Variants in NAT1 observed in about 807,000 individuals in gnomAD.
NAT1 encodes the protein N-acetyltransferase 1, also known as arylamine N-acetyltransferase 1.
For synonymous variants in NAT1, 144 were observed against 122.6 expected, an observed-to-expected ratio of 1.17 and a Z score of -1.16; for missense variants, 400 against 339.2, an observed-to-expected ratio of 1.18 and a Z score of -1.41.
chr8:18,182,632 A>T (rs909142643), intron 2 of NAT1, among the ~76,000 whole-genome samples: 2 of 152,142 alleles, frequency 1.3e-5, no homozygotes, highest in African/African-American at 2.4e-5. Context: ...CCTATTTTTC[A>T]ATCTTGATTT....
intron 1 of NAT1, among the ~76,000 whole-genome samples, chr8:18,217,755 T>C (rs1268215583): frequency 1.3e-5 from 2 of 152,128 alleles, no homozygotes; most frequent in Non-Finnish European, 1.5e-5. Flanking sequence ...GGTATTACAA[T>C]ATTGTTTATT....
chr8:18,201,684 AG>A (rs1181905504), intron 2 of NAT1, among the ~76,000 whole-genome samples: 1 of 152,236 alleles, frequency 6.6e-6, no homozygotes, highest in Non-Finnish European at 1.5e-5. Flanking sequence ...CAGCAGCCTC[AG>A]GGGGCTATTC....
intron 1 of NAT1, among the ~76,000 whole-genome samples, chr8:18,218,819 A>G (rs979121553): frequency 1.3e-5 from 2 of 152,096 alleles, no homozygotes; most frequent in African/African-American, 2.4e-5. Flanking sequence ...GGGTCCCACA[A>G]TTTAATTTCC....
intron 1 of NAT1, chr8:18,216,920 G>T: frequency 6.4e-7 from 1 of 1,551,252 alleles, no homozygotes; most frequent in Non-Finnish European, 8.7e-7. Context: ...TACACAAGGA[G>T]GCAGCCCTCG....
chr8:18,202,679 G>C (rs984542796), intron 2 of NAT1, among the ~76,000 whole-genome samples: 1 of 152,196 alleles, frequency 6.6e-6, no homozygotes, highest in Non-Finnish European at 1.5e-5. Flanking sequence ...GTCCCTCCTG[G>C]TGGGTTCGTG....
intron 2 of NAT1, among the ~76,000 whole-genome samples, chr8:18,192,124 A>T (rs2117260395): frequency 6.6e-6 from 1 of 151,832 alleles, no homozygotes; most frequent in South Asian, 2.1e-4. Context: ...ATCTACAATG[A>T]ACTCAAACAA....
chr8:18,173,565 T>C (rs1367239842), intron 2 of NAT1, among the ~76,000 whole-genome samples: 1 of 152,172 alleles, frequency 6.6e-6, no homozygotes, highest in Non-Finnish European at 1.5e-5. Context: ...ATTATAACAC[T>C]GAGGCACAGA....
At chr8:18,219,620 T>C (rs1461787792) in intron 2 of NAT1, 131 bp downstream of exon 2, 13 of 562,406 alleles carry the variant, frequency 2.3e-5, no homozygotes, top group Non-Finnish European at 4.1e-5. Context: ...TACAAGTGGA[T>C]ATATAAAGCT....
At chr8:18,206,229 G>A (rs917555977), upstream of NAT1, among the ~76,000 whole-genome samples, 1 of 152,166 alleles carries the variant, frequency 6.6e-6, no homozygotes, top group Non-Finnish European at 1.5e-5. Context: ...CTGGGGCACA[G>A]GGACAACACC....
Position 18,222,520 on chromosome 8 carries a change from T to A in NAT1, c.473T>A (p.Phe158Tyr), listed in dbSNP as rs1805435998. ...TTCCGTTTGACGGAAGAGAATGGATTCTGGTATCTAGACCAAATCAGAAGG... is the reference window on the plus strand; with the variant it reads ...TTCCGTTTGACGGAAGAGAATGGATACTGGTATCTAGACCAAATCAGAAGG... The part of the protein sequence containing the change: ...CVFRLTEENG[F>Y]WYLDQIRREQ... Residue 158 changes from phenylalanine (F) to tyrosine (Y), a missense_variant, in exon 3 of 3, where the codon TTC becomes TAC. Coordinates refer to ENST00000307719, the MANE Select transcript of NAT1 (RefSeq NM_000662.8). The A allele has an allele frequency of 6.2e-7, 1 of 1,614,162 alleles. No homozygotes were observed. Among genetic ancestry groups the A allele is most frequent in the Non-Finnish European group, 8.5e-7 (1 of 1,180,016 alleles).
At chr8:18,220,639 T>C (rs1805184095) in intron 2 of NAT1, among the ~76,000 whole-genome samples, 1 of 152,010 alleles carries the variant, frequency 6.6e-6, no homozygotes, top group African/African-American at 2.4e-5. Flanking sequence ...TTCTACCTTC[T>C]GTTGTTTTTC....
At chr8:18,202,290 A>G (rs138114753) in intron 2 of NAT1, among the ~76,000 whole-genome samples, 147 of 152,308 alleles carry the variant, frequency 9.7e-4, no homozygotes, top group African/African-American at 3.4e-3. Flanking sequence ...CTATGGAAGT[A>G]CAAATTTAGG....
chr8:18,189,009 A>AAAAGAAAG (rs1554469683), intron 2 of NAT1, among the ~76,000 whole-genome samples: 1 of 149,146 alleles, frequency 6.7e-6, no homozygotes, highest in Non-Finnish European at 1.5e-5. Flanking sequence ...AAAAAAAAAA[A>AAAAGAAAG]AAAGAAAGAA....
upstream of NAT1, among the ~76,000 whole-genome samples, chr8:18,206,157 G>C (rs1803709852): frequency 6.6e-6 from 1 of 152,178 alleles, no homozygotes; most frequent in Non-Finnish European, 1.5e-5. Flanking sequence ...TGGAGTTCCA[G>C]AGACTCGTGG....
intron 1 of NAT1, chr8:18,216,889 G>A (rs1319078542): frequency 6.5e-7 from 1 of 1,548,672 alleles, no homozygotes; most frequent in Non-Finnish European, 8.7e-7. Flanking sequence ...GTGTACAGAA[G>A]GGCCATGCTG....
chr8:18,199,766 C>A (rs929360947), intron 2 of NAT1, among the ~76,000 whole-genome samples: 1 of 152,134 alleles, frequency 6.6e-6, no homozygotes, highest in Non-Finnish European at 1.5e-5. Flanking sequence ...GTTATTACAG[C>A]TGGGGGCTAC....
chr8:18,218,103 G>C (rs186359263), intron 1 of NAT1, among the ~76,000 whole-genome samples: 6 of 152,130 alleles, frequency 3.9e-5, no homozygotes, highest in Non-Finnish European at 8.8e-5. Context: ...GAGTTTTACC[G>C]TTTCCTGCTC....
intron 2 of NAT1, among the ~76,000 whole-genome samples, chr8:18,186,303 T>A (rs1802732583): frequency 1.3e-5 from 2 of 152,214 alleles, no homozygotes; most frequent in Non-Finnish European, 2.9e-5. Context: ...CATCTAGAAT[T>A]TTATAATTCC....
chr8:18,180,127 G>A lies in NAT1; in HGVS notation n.92+9388G>A, dbSNP rs183133036. ...GGAAGGAGAATTGGGGGAGCTAGAG[G>A]GAACTCATTGAAACCCCAAAAATCA... On this transcript the variant is annotated intron_variant and non_coding_transcript_variant, in intron 2 of 4. Transcript: ENST00000517441. Among the ~76,000 whole-genome samples the A allele has an allele frequency of 2.0e-5, 3 of 152,142 alleles. No individual in the cohort carries two copies. In the East Asian group the frequency reaches 5.8e-4, roughly 29 times the overall value.
Sources: gnomAD v4.1 joint callset for allele counts (sites outside exome capture counted in the v4.1 genomes callset) on GRCh38, gnomAD v4.1.1 for gene constraint, MANE v1.5 for transcripts, NCBI Gene and HGNC (gene_info 2026-07-23, HGNC 2026-07-21) for gene names.